SLC9C1: variants seen among roughly 807,000 people sequenced by gnomAD.
SLC9C1 encodes the protein solute carrier family 9 member C1, also known as sodium/hydrogen exchanger 10.
SLC9C1 carries 97 observed loss-of-function variants against 140.9 expected under a neutral mutation model. The observed-to-expected ratio is 0.69, with a 90% CI of 0.58 to 0.82. The LOEUF (loss-of-function observed/expected upper bound fraction) is 0.82, where lower values mean the gene tolerates loss of function less well. Among genes scored for constraint, SLC9C1 ranks in the 40% least tolerant of loss-of-function variants. SLC9C1 has a pLI of 0.00. For missense variants in SLC9C1, 1,340 were observed against 1,389.3 expected (o/e 0.96, Z 0.56); for synonymous variants, 440 against 442.6 (o/e 0.99, Z 0.07).
chr3:112,239,850 T>A lies in SLC9C1; in HGVS notation c.1436A>T (p.Asn479Ile). 1.9e-6 allele frequency: 3 copies of A among 1,610,810 alleles called. No individual in the cohort carries two copies. Among genetic ancestry groups the A allele is most frequent in the Non-Finnish European group, 2.5e-6 (3 of 1,178,896 alleles). ...NMIEKAITLE[N>I]PYMLNEEETT... ...ATATTACTTGCTTACCATGTATGGGTTTTCAAGTGTAATTGCTTTCTCAAT... is the reference window on the plus strand; with the variant it reads ...ATATTACTTGCTTACCATGTATGGGATTTCAAGTGTAATTGCTTTCTCAAT... The change falls in exon 12 of 29, where the codon AAC becomes ATC. Residue 479 changes from asparagine to isoleucine, a missense_variant. By Grantham distance (149) the Asn-to-Ile change is moderately radical. Transcript: ENST00000305815.
intron 20 of SLC9C1, among the ~76,000 whole-genome samples, chr3:112,197,873 A>G (rs2077806657): frequency 1.3e-5 from 2 of 152,112 alleles, no homozygotes; most frequent in African/African-American, 4.8e-5. Context: ...CATGCCTTAG[A>G]TATTGATTCT....
At chr3:112,220,671 A>G (rs974251410) in intron 14 of SLC9C1, among the ~76,000 whole-genome samples, 3 of 151,868 alleles carry the variant, frequency 2.0e-5, no homozygotes, top group Non-Finnish European at 4.4e-5. Context: ...TTGGAGACCT[A>G]TATCTAAAGA....
At chr3:112,232,592 T>C (rs1560101308) in intron 12 of SLC9C1, among the ~76,000 whole-genome samples, 1 of 152,152 alleles carries the variant, frequency 6.6e-6, no homozygotes, top group Non-Finnish European at 1.5e-5. Flanking sequence ...TCATAGAGAC[T>C]AATTATCTCA....
intron 12 of SLC9C1, among the ~76,000 whole-genome samples, chr3:112,234,860 T>C (rs905071002): frequency 7.2e-5 from 11 of 152,160 alleles, no homozygotes; most frequent in African/African-American, 2.7e-4. Flanking sequence ...ACAAGTACCA[T>C]GCTGTTTTGG....
rs866439655 is a variant in SLC9C1, at chr3:112,179,406, T to A, written c.2919+125A>T. 186 of 1,105,444 alleles carry A rather than the reference T, an allele frequency of 1.7e-4. 4 individuals are homozygous for A. The South Asian group carries it at 2.4e-3, about 14-fold the overall frequency. The allele number at this position is 1,105,444 out of a possible 1,614,324, so 68.5% of individuals were successfully genotyped here. On this transcript the variant is annotated intron_variant, in intron 23 of 28. Coordinates refer to ENST00000305815, the MANE Select transcript of SLC9C1 (RefSeq NM_183061.3). ...TAATTCGGCAAGTTTTGTTCCTTTATAATTCCTAGTTTTTAAAAGTAAATT... is the reference window on the plus strand; with the variant it reads ...TAATTCGGCAAGTTTTGTTCCTTTAAAATTCCTAGTTTTTAAAAGTAAATT...
chr3:112,270,683 G>T (rs2080047323), intron 6 of SLC9C1, among the ~76,000 whole-genome samples: 1 of 152,134 alleles, frequency 6.6e-6, no homozygotes. Context: ...GGGTGTGGTG[G>T]CACATGCCTG....
chr3:112,266,118 T>C (rs889384845), intron 8 of SLC9C1, 120 bp downstream of exon 8: 4 of 728,308 alleles, frequency 5.5e-6, no homozygotes, highest in African/African-American at 3.8e-5. Context: ...AGGTTTTTAG[T>C]TGGGTAGTTT....
At position 112,141,119 on chromosome 3, in the gene SLC9C1, C is replaced by A. The variant is rs1253158476; in HGVS notation, c.*153G>T. ...AGTATATATGTTGAACTGCTGGTTT[C>A]AAGGTCCAAATTTCTTTTCTGCTTA... On this transcript the variant is annotated 3_prime_UTR_variant, in exon 29 of 29. Transcript: ENST00000305815. 1.4e-6 allele frequency: 1 copy of A among 693,370 alleles called. No individual in the cohort carries two copies. Among genetic ancestry groups the A allele is most frequent in the Non-Finnish European group, 2.1e-6 (1 of 468,184 alleles). 43.0% of individuals were successfully genotyped at this position (693,370 alleles called of 1,614,324 possible). A position where few individuals can be genotyped will look rare whatever the true frequency, so the allele number is the denominator to read the frequency against.
Position 112,244,034 on chromosome 3 carries a change from C to A in SLC9C1, c.1240G>T (p.Val414Phe). The A allele has an allele frequency of 6.2e-7, 1 of 1,605,674 alleles. No individual in the cohort carries two copies. Among genetic ancestry groups the A allele is most frequent in the South Asian group, 1.1e-5 (1 of 89,618 alleles). The change falls in exon 11 of 29, where the codon GTC (valine) becomes TTC (phenylalanine). Residue 414 changes from valine (V) to phenylalanine (F), a missense_variant. Coordinates refer to ENST00000305815, the MANE Select transcript of SLC9C1 (RefSeq NM_183061.3). ...GVLVCLITLV[V>F]NRFILPVAVT... ...GCCACTGGCAAAATAAATCTATTGA[C>A]AACAAGGGTTATTAGGCATACTAAC...
intron 15 of SLC9C1, among the ~76,000 whole-genome samples, chr3:112,214,220 G>A (rs1174344548): frequency 6.6e-6 from 1 of 152,186 alleles, no homozygotes; most frequent in Non-Finnish European, 1.5e-5. Context: ...TGTGTAGAGG[G>A]AAATTTGTAG....
At chr3:112,199,578 C>T in intron 19 of SLC9C1, 109 bp from the exon 20 acceptor site, 1 of 767,150 alleles carries the variant, frequency 1.3e-6, no homozygotes. Flanking sequence ...CCGCCCTCAA[C>T]ACAGAGAAAT....
chr3:112,255,119 C>T (rs1272011349), intron 10 of SLC9C1, among the ~76,000 whole-genome samples: 1 of 152,092 alleles, frequency 6.6e-6, no homozygotes, highest in African/African-American at 2.4e-5. Context: ...GACTTATACT[C>T]CCACACAAGA....
chr3:112,189,080 GTTTT>G (rs1402793065), intron 20 of SLC9C1, among the ~76,000 whole-genome samples: 1 of 144,768 alleles, frequency 6.9e-6, no homozygotes, highest in Admixed American at 6.8e-5. Context: ...GGGGTTGTTT[GTTTT>G]TTTCTTGTAA....
At chr3:112,233,013 A>G (rs2078868767) in intron 12 of SLC9C1, among the ~76,000 whole-genome samples, 1 of 145,634 alleles carries the variant, frequency 6.9e-6, no homozygotes, top group South Asian at 2.2e-4. Flanking sequence ...CCATTTTCTA[A>G]GGTTCACTTT....
chr3:112,208,216 A>T lies in SLC9C1; in HGVS notation c.1948T>A (p.Cys650Ser). ...TCTAGAATATAAAGTGTAAGAAAAC[A>T]GTAGTTAGTGTGTTTTAATTCGCTG... ...YHSELKHTNY[C>S]FLTLYILEAL... is the part of the protein sequence containing the mutation. Residue 650 changes from cysteine to serine, a missense_variant, in exon 16 of 29, where the codon TGT becomes AGT. Transcript: ENST00000305815. The T allele has an allele frequency of 6.2e-7, 1 of 1,610,542 alleles. No homozygotes were observed. The highest frequency in any genetic ancestry group is 8.5e-7 in the Non-Finnish European group (1 of 1,178,688).
At chr3:112,252,216 T>G (rs984717712) in intron 10 of SLC9C1, among the ~76,000 whole-genome samples, 1 of 152,052 alleles carries the variant, frequency 6.6e-6, no homozygotes, top group Non-Finnish European at 1.5e-5. Context: ...GACTAGGGAC[T>G]GGAAAAGTCC....
At chr3:112,194,710 T>C (rs75961941) in intron 20 of SLC9C1, among the ~76,000 whole-genome samples, 3 of 152,322 alleles carry the variant, frequency 2.0e-5, no homozygotes, top group East Asian at 1.9e-4. Flanking sequence ...AGTGCCATAC[T>C]GTTTCCCACA....
At chr3:112,230,106 T>C (rs1040803445) in intron 13 of SLC9C1, among the ~76,000 whole-genome samples, 1 of 152,186 alleles carries the variant, frequency 6.6e-6, no homozygotes, top group African/African-American at 2.4e-5. Flanking sequence ...CCTATGGTTA[T>C]CTCAGGACTA....
intron 18 of SLC9C1, 146 bp downstream of exon 18, chr3:112,202,104 T>G (rs1352055040): frequency 1.9e-5 from 17 of 902,410 alleles, no homozygotes; most frequent in Admixed American, 5.8e-5. Context: ...TTGAGTAATT[T>G]AAATGTAACC....
Sources: gnomAD v4.1 joint callset for allele counts (sites outside exome capture counted in the v4.1 genomes callset) on GRCh38, gnomAD v4.1.1 for gene constraint, MANE v1.5 for transcripts, NCBI Gene and HGNC (gene_info 2026-07-23, HGNC 2026-07-21) for gene names.